The following NAP1L1 variants were observed in gnomAD, a reference collection of about 807,000 sequenced individuals.
NAP1L1 encodes nucleosome assembly protein 1 like 1.
In NAP1L1, 9 loss-of-function variants were observed where a neutral mutation model predicts 58.9. The observed-to-expected ratio is 0.15, with a 90% CI of 0.09 to 0.27. The LOEUF (loss-of-function observed/expected upper bound fraction) is 0.27. Ranked by LOEUF, NAP1L1 falls within the 10% of genes least tolerant of loss-of-function variation. NAP1L1 has a pLI of 1.00. For synonymous variants in NAP1L1, 130 were observed against 138.3 expected (o/e 0.94, Z 0.42); for missense variants, 302 against 458.8 (o/e 0.66, Z 3.12).
At chr12:76,065,425 CAG>C (rs905146800) in intron 4 of NAP1L1, among the ~76,000 whole-genome samples, 2 of 151,480 alleles carry the variant, frequency 1.3e-5, no homozygotes, top group African/African-American at 4.8e-5. Flanking sequence ...TGTGGAAGAA[CAG>C]AGCTAAAACT....
At chr12:76,056,620 A>G (rs902836099) in intron 6 of NAP1L1, 3 of 455,910 alleles carry the variant, frequency 6.6e-6, no homozygotes, top group African/African-American at 6.0e-5. Context: ...CATTGTGGGC[A>G]AGTCACTTAG....
Position 76,048,193 on chromosome 12 carries a change from T to A in NAP1L1, c.*236A>T, listed in dbSNP as rs1948664407. ...TAAAAATATTCCAGAAGAACCAAATTATGTAGCAATGAATGAACATGCGTG... is the reference window on the plus strand; with the variant it reads ...TAAAAATATTCCAGAAGAACCAAATAATGTAGCAATGAATGAACATGCGTG... On this transcript the variant is annotated 3_prime_UTR_variant, in exon 15 of 15. Coordinates refer to ENST00000618691, the MANE Select transcript of NAP1L1 (RefSeq NM_004537.7). 2 of 432,902 alleles carry A rather than the reference T, an allele frequency of 4.6e-6. No individual in the cohort carries two copies. The highest frequency in any genetic ancestry group is 8.2e-6 in the Non-Finnish European group (2 of 245,002). The allele number at this position is 432,902 out of a possible 1,614,324, so 26.8% of individuals were successfully genotyped here. A position where few individuals can be genotyped will look rare whatever the true frequency, so the allele number is the denominator to read the frequency against.
chr12:76,049,088 A>C (rs1381324764), intron 14 of NAP1L1, 112 bp downstream of exon 14: 1 of 1,073,338 alleles, frequency 9.3e-7, no homozygotes, highest in East Asian at 2.4e-5. Flanking sequence ...TTATCCAGTC[A>C]ATAGGCTTTA....
chr12:76,080,869 C>T (rs977840144), intron 1 of NAP1L1, among the ~76,000 whole-genome samples: 2 of 152,092 alleles, frequency 1.3e-5, no homozygotes, highest in African/African-American at 4.8e-5. Context: ...TTAATCCATT[C>T]ATGGATTAAT....
In NAP1L1 at chr12:76,074,210, T is replaced by C. The variant is rs1476464004; in HGVS notation, c.10A>G (p.Ile4Val). 2.5e-6 allele frequency: 4 copies of C among 1,601,656 alleles called. No individual in the cohort carries two copies. Among genetic ancestry groups the C allele is most frequent in the East Asian group, 2.3e-5 (1 of 44,320 alleles). Reference sequence around the variant, plus strand: ...CAACTCTCTGCCACTTACTTGTCAATGTCTGCCATGTTGTAAGAACTCCAA... The same window carrying C: ...CAACTCTCTGCCACTTACTTGTCAACGTCTGCCATGTTGTAAGAACTCCAA... Reference protein sequence around the residue: MADIDNKEQSELDQ... With the variant: MADVDNKEQSELDQ... Residue 4 changes from isoleucine (I) to valine (V), a missense_variant, in exon 2 of 15, where the codon ATT becomes GTT. Ile to Val is a conservative substitution (Grantham distance 29). Transcript: ENST00000618691.
chr12:76,063,881 T>TAAAA (rs10693123), intron 4 of NAP1L1, among the ~76,000 whole-genome samples: 99 of 137,480 alleles, frequency 7.2e-4, no homozygotes, highest in African/African-American at 1.7e-3. Context: ...GTTAAAAGTT[T>TAAAA]AAAAAAAAAA....
Position 76,038,956 on chromosome 12 carries a change from A to G in NAP1L1, c.*9473T>C, listed in dbSNP as rs1162474341. 1 of 152,198 alleles carries G rather than the reference A, an allele frequency of 6.6e-6. No individual in the cohort carries two copies. The highest frequency in any genetic ancestry group is 2.4e-5 in the African/African-American group (1 of 41,446). 9.4% of individuals were successfully genotyped at this position (152,198 alleles called of 1,614,324 possible). On this transcript the variant is annotated 3_prime_UTR_variant, in exon 15 of 15. Transcript: ENST00000618691. Reference sequence around the variant, plus strand: ...ATGCATGGTTCTGAGAAAGGTTATCATGCAAAATGAAATAAAAAGCCTTGG... The same window carrying G: ...ATGCATGGTTCTGAGAAAGGTTATCGTGCAAAATGAAATAAAAAGCCTTGG...
rs73133155 is a variant in NAP1L1, at chr12:76,070,431, A to C, written c.18-1437T>G. Reference sequence around the variant, plus strand: ...CCTATTTCTGGAAGAACTTTGATTTAGTATAAACTTTAAGTGTTTGATAAG... The same window carrying C: ...CCTATTTCTGGAAGAACTTTGATTTCGTATAAACTTTAAGTGTTTGATAAG... On this transcript the variant is annotated intron_variant, in intron 2 of 14. Coordinates refer to ENST00000618691, the MANE Select transcript of NAP1L1 (RefSeq NM_004537.7). Among the ~76,000 whole-genome samples the C allele has an allele frequency of 9.7e-3, 1,472 of 152,286 alleles. 13 individuals are homozygous for C. The highest frequency in any genetic ancestry group is 0.015 in the Non-Finnish European group (1,013 of 68,022).
intron 11 of NAP1L1, among the ~76,000 whole-genome samples, chr12:76,051,426 G>T (rs891795598): frequency 6.6e-6 from 1 of 152,026 alleles, no homozygotes; most frequent in Non-Finnish European, 1.5e-5. Context: ...AACCACAGAG[G>T]ATCACTTTAT....
At chr12:76,067,608 C>A (rs1949742165) in intron 3 of NAP1L1, 135 bp from the exon 4 acceptor site, 2 of 593,042 alleles carry the variant, frequency 3.4e-6, no homozygotes, top group Non-Finnish European at 3.0e-6. Context: ...TAGAGACGGG[C>A]AGGGAAAGCT....
In NAP1L1 at chr12:76,037,528, G is replaced by C. The variant is rs1458107356; in HGVS notation, c.*10901C>G. The C allele has an allele frequency of 1.3e-5, 2 of 152,200 alleles. No individual in the cohort carries two copies. Among genetic ancestry groups the C allele is most frequent in the African/African-American group, 4.8e-5 (2 of 41,442 alleles). 9.4% of individuals were successfully genotyped at this position (152,200 alleles called of 1,614,324 possible). ...GCCTTCAGTTTTACTCTTAAAACAT[G>C]ACAGAAAACTTCTATTCGCCTCCAA... On this transcript the variant is annotated 3_prime_UTR_variant, in exon 15 of 15. Transcript: ENST00000618691.
Position 76,053,761 on chromosome 12 carries a change from TA to T in NAP1L1, c.770+8del. The T allele has an allele frequency of 6.2e-7, 1 of 1,601,898 alleles. No homozygotes were observed. Among genetic ancestry groups the T allele is most frequent in the Non-Finnish European group, 8.5e-7 (1 of 1,177,078 alleles). ...AAACATTTTGTTAAGGTAGTAAAAT[TA>T]AACTCACCCTGTACAACCCATAATT... On this transcript the variant is annotated splice_region_variant and intron_variant, in intron 9 of 14. Coordinates refer to ENST00000618691, the MANE Select transcript of NAP1L1 (RefSeq NM_004537.7).
At chr12:76,055,886 G>T in intron 7 of NAP1L1, 147 bp downstream of exon 7, 1 of 813,904 alleles carries the variant, frequency 1.2e-6, no homozygotes. Flanking sequence ...AATCAAAGCT[G>T]TAATTTCTCT....
At chr12:76,077,144 C>T (rs1950211360) in intron 1 of NAP1L1, among the ~76,000 whole-genome samples, 1 of 152,150 alleles carries the variant, frequency 6.6e-6, no homozygotes, top group African/African-American at 2.4e-5. Flanking sequence ...CACTGCTAAC[C>T]TCAATGTCCA....
rs1948595970 is a variant in NAP1L1, at chr12:76,045,752, T to A, written c.*2677A>T. Reference sequence around the variant, plus strand: ...TCAACTTGTGGAATTTGTGGAACACTTACCCTACTTGAGTGACCATAAAGC... The same window carrying A: ...TCAACTTGTGGAATTTGTGGAACACATACCCTACTTGAGTGACCATAAAGC... On this transcript the variant is annotated 3_prime_UTR_variant, in exon 15 of 15. Coordinates refer to ENST00000618691, the MANE Select transcript of NAP1L1 (RefSeq NM_004537.7). 1 of 152,080 alleles carries A rather than the reference T, an allele frequency of 6.6e-6. No individual in the cohort carries two copies. The highest frequency in any genetic ancestry group is 1.5e-5 in the Non-Finnish European group (1 of 67,910). 9.4% of individuals were successfully genotyped at this position (152,080 alleles called of 1,614,324 possible).
intron 4 of NAP1L1, among the ~76,000 whole-genome samples, chr12:76,064,308 A>C (rs1407292741): frequency 6.6e-6 from 1 of 152,216 alleles, no homozygotes; most frequent in Non-Finnish European, 1.5e-5. Flanking sequence ...AAAATATTTC[A>C]ATCTACAAAT....
At chr12:76,050,798 G>T in intron 11 of NAP1L1, 145 bp from the exon 12 acceptor site, 1 of 786,956 alleles carries the variant, frequency 1.3e-6, no homozygotes, top group Non-Finnish European at 1.9e-6. Flanking sequence ...AGGATCACTT[G>T]AGCCCAGAAG....
At position 76,060,273 on chromosome 12, in the gene NAP1L1, A is replaced by G; in HGVS notation, c.213T>C (p.Pro71=). Residue 71 remains proline, a synonymous_variant, in exon 5 of 15, where the codon CCT becomes CCC. Transcript: ENST00000618691. ...ETPTGYIESL[P]RVVKRRVNAL... ...CATTCACTCGTCTTTTAACTACCCT[A>G]GGCAGGCTGAAAGGTTAGAAATCAG... The G allele has an allele frequency of 6.2e-7, 1 of 1,613,670 alleles. No homozygotes were observed. The highest frequency in any genetic ancestry group is 8.5e-7 in the Non-Finnish European group (1 of 1,179,820).
chr12:76,057,842 G>T, intron 6 of NAP1L1: 1 of 1,525,186 alleles, frequency 6.6e-7, no homozygotes, highest in Non-Finnish European at 8.9e-7. Context: ...GGTGGAAGGG[G>T]TCAAATAAAA....
Sources: allele counts gnomAD v4.1 joint callset (sites outside exome capture counted in the v4.1 genomes callset), GRCh38; gene constraint gnomAD v4.1.1; transcripts MANE v1.5; gene names NCBI Gene and HGNC (gene_info 2026-07-23, HGNC 2026-07-21).